Variants in CRADD observed in about 807,000 individuals in gnomAD.
CRADD encodes death domain-containing protein CRADD.
A neutral mutation model predicts 15.5 loss-of-function variants in CRADD; 9 were observed. That is an observed-to-expected ratio of 0.58 (90% CI 0.35 to 1.01). The LOEUF is 1.01. CRADD is among the 50% of genes least tolerant of loss of function. CRADD has a pLI of 0.02. For synonymous variants in CRADD, 118 were observed against 107.6 expected, an observed-to-expected ratio of 1.10 and a Z score of -0.60; for missense variants, 227 against 250.3, an observed-to-expected ratio of 0.91 and a Z score of 0.63.
Position 93,894,413 on chromosome 12 carries a change from A to G in CRADD, c.*296A>G. 17 of 391,068 alleles carry G rather than the reference A, an allele frequency of 4.3e-5. No homozygotes were observed. In the South Asian group the frequency reaches 4.8e-4, roughly 11 times the overall value. 24.2% of individuals were successfully genotyped at this position (391,068 alleles called of 1,614,324 possible). ...TGCAGAGGGTGAGAAGCCCTGGTCT[A>G]TACAGAGCTCAGCAGTCCAGAGCAA... On this transcript the variant is annotated 3_prime_UTR_variant, in exon 3 of 3. Transcript: ENST00000548483.
chr12:93,808,932 G>C (rs1957584596), intron 2 of CRADD, among the ~76,000 whole-genome samples: 1 of 150,818 alleles, frequency 6.6e-6, no homozygotes, highest in Non-Finnish European at 1.5e-5. Context: ...TCTTTTTTTT[G>C]AGATTGAGTT....
At chr12:93,743,758 T>A (rs2136931469) in intron 2 of CRADD, among the ~76,000 whole-genome samples, 1 of 152,356 alleles carries the variant, frequency 6.6e-6, no homozygotes, top group Middle Eastern at 3.4e-3. Context: ...ATGCATCTTC[T>A]TTTGAATTGT....
intron 2 of CRADD, among the ~76,000 whole-genome samples, chr12:93,700,253 C>T (rs1955813138): frequency 6.6e-6 from 1 of 152,170 alleles, no homozygotes. Flanking sequence ...TTACTTTAGG[C>T]TTTTATTGCT....
intron 2 of CRADD, among the ~76,000 whole-genome samples, chr12:93,845,787 G>A (rs1040110365): frequency 4.0e-5 from 6 of 151,890 alleles, no homozygotes; most frequent in Admixed American, 3.3e-4. Context: ...TTTTAATTGT[G>A]GTAAAATGTA....
At chr12:93,836,361 T>C (rs1390628973) in intron 2 of CRADD, among the ~76,000 whole-genome samples, 6 of 152,200 alleles carry the variant, frequency 3.9e-5, no homozygotes, top group Non-Finnish European at 7.3e-5. Context: ...TTATTACCTT[T>C]TCTTCATTCC....
chr12:93,771,885 T>C (rs1374620375), intron 2 of CRADD, among the ~76,000 whole-genome samples: 1 of 152,228 alleles, frequency 6.6e-6, no homozygotes, highest in Non-Finnish European at 1.5e-5. Flanking sequence ...CTTATACTTA[T>C]TTATCTTCCA....
At position 93,704,854 on chromosome 12, in the gene CRADD, G is replaced by A. The variant is rs547789460; in HGVS notation, c.298+25782G>A. The stretch of plus-strand genomic sequence containing the variant: ...AGTCGGCCAAGTCAGTGCCCACCTC[G>A]AGGCCTTTGTTCCAGCCTAGCCGTT... On this transcript the variant is annotated intron_variant, in intron 2 of 2. Coordinates refer to ENST00000332896, the MANE Select transcript of CRADD (RefSeq NM_003805.5). Among the ~76,000 whole-genome samples the A allele has an allele frequency of 2.6e-5, 4 of 152,204 alleles. No homozygotes were observed. The South Asian group carries it at 8.3e-4, about 32-fold the overall frequency.
intron 2 of CRADD, among the ~76,000 whole-genome samples, chr12:93,783,900 CT>C (rs1957241311): frequency 6.6e-6 from 1 of 152,086 alleles, no homozygotes; most frequent in African/African-American, 2.4e-5. Flanking sequence ...CCTGGGTGTG[CT>C]GGTGGGCATG....
intron 2 of CRADD, among the ~76,000 whole-genome samples, chr12:93,716,603 A>G (rs1260044910): frequency 2.0e-5 from 3 of 152,220 alleles, no homozygotes; most frequent in Non-Finnish European, 4.4e-5. Flanking sequence ...GCGTTTCTAG[A>G]CTACTATATC....
chr12:93,825,098 C>G (rs899447146), intron 2 of CRADD, among the ~76,000 whole-genome samples: 1 of 152,218 alleles, frequency 6.6e-6, no homozygotes, highest in African/African-American at 2.4e-5. Flanking sequence ...TAAGGGAGCA[C>G]TCTTCTCTGT....
chr12:93,841,934 C>A (rs1181087639), intron 2 of CRADD, among the ~76,000 whole-genome samples: 1 of 152,044 alleles, frequency 6.6e-6, no homozygotes, highest in Non-Finnish European at 1.5e-5. Context: ...ACCAGACCCT[C>A]CGGAGGAATG....
At chr12:93,754,619 A>G (rs563240844) in intron 2 of CRADD, among the ~76,000 whole-genome samples, 25 of 152,236 alleles carry the variant, frequency 1.6e-4, no homozygotes, top group Non-Finnish European at 3.4e-4. Flanking sequence ...AAAGCATAGC[A>G]AGAGTCACCT....
chr12:93,723,987 G>A (rs1592930399), intron 2 of CRADD, among the ~76,000 whole-genome samples: 1 of 152,150 alleles, frequency 6.6e-6, no homozygotes, highest in Non-Finnish European at 1.5e-5. Flanking sequence ...TTCTCCTGAG[G>A]ACAGGCCTTG....
At position 93,850,534 on chromosome 12, in the gene CRADD, A is replaced by G. The variant is rs764652310; in HGVS notation, c.*263A>G. 5 of 1,156,638 alleles carry G rather than the reference A, an allele frequency of 4.3e-6. No individual in the cohort carries two copies. Among genetic ancestry groups the G allele is most frequent in the African/African-American group, 1.6e-5 (1 of 61,692 alleles). 71.6% of individuals were successfully genotyped at this position (1,156,638 alleles called of 1,614,324 possible). On this transcript the variant is annotated 3_prime_UTR_variant, in exon 3 of 3. Transcript: ENST00000332896. The surrounding 1 kb of genome is among the most constrained non-coding windows in gnomAD (Gnocchi z 4.0). ...TAATTGTTCAGTTTTTAAATGTGTA[A>G]TGGCATTTTAATAGACTAGTAAATC...
chr12:93,786,932 A>T (rs1468498602), intron 2 of CRADD, among the ~76,000 whole-genome samples: 1 of 152,176 alleles, frequency 6.6e-6, no homozygotes, highest in African/African-American at 2.4e-5. Context: ...TGTAAAGATG[A>T]CCAAAACATA....
At chr12:93,747,079 G>C (rs905367677) in intron 2 of CRADD, among the ~76,000 whole-genome samples, 2 of 152,038 alleles carry the variant, frequency 1.3e-5, no homozygotes, top group African/African-American at 4.8e-5. Flanking sequence ...TTTCAGATTA[G>C]TGGATCTTTA....
At chr12:93,893,911 A>G in intron 2 of CRADD, 2 of 624,252 alleles carry the variant, frequency 3.2e-6, no homozygotes, top group Non-Finnish European at 5.7e-6. Flanking sequence ...AAAAAGAAAA[A>G]AAAAAAAATA....
At chr12:93,806,935 C>T (rs1379509013) in intron 2 of CRADD, among the ~76,000 whole-genome samples, 1 of 152,154 alleles carries the variant, frequency 6.6e-6, no homozygotes, top group Non-Finnish European at 1.5e-5. Context: ...CTTATATGTA[C>T]TACTTTGTCC....
intron 2 of CRADD, among the ~76,000 whole-genome samples, chr12:93,814,006 G>C (rs1277263202): frequency 6.6e-6 from 1 of 152,068 alleles, no homozygotes; most frequent in Non-Finnish European, 1.5e-5. Context: ...AAATTAAGGG[G>C]TATAGGCAGT....
Sources: gnomAD v4.1 joint callset for allele counts (sites outside exome capture counted in the v4.1 genomes callset) on GRCh38, gnomAD v4.1.1 for gene constraint, Gnocchi (gnomAD v3.1) non-coding constraint, MANE v1.5 for transcripts, NCBI Gene and HGNC (gene_info 2026-07-23, HGNC 2026-07-21) for gene names.